The following MXRA8 variants were observed in gnomAD, a reference collection of about 807,000 sequenced individuals.
The protein encoded by MXRA8 is matrix remodeling-associated protein 8.
Under a neutral mutation model 51.4 loss-of-function variants are expected in MXRA8, and 44 were observed. The ratio of observed to expected loss-of-function variants is 0.86; its 90% CI spans 0.67 to 1.10. The LOEUF (loss-of-function observed/expected upper bound fraction) is 1.10, where lower values mean the gene tolerates loss of function less well. Among genes scored for constraint, MXRA8 ranks in the 50% least tolerant of loss-of-function variants. The pLI is 0.00. For synonymous variants in MXRA8, 369 were observed against 293.5 expected (o/e 1.26, Z -2.63); for missense variants, 765 against 638.9 (o/e 1.20, Z -2.13).
upstream of MXRA8, chr1:1,359,300 C>T (rs2100823563): frequency 1.0e-6 from 1 of 985,386 alleles, no homozygotes; most frequent in Non-Finnish European, 1.2e-6. Context: ...GGATTACAAG[C>T]CTCCTGGAGA....
At position 1,354,184 on chromosome 1, in the gene MXRA8, G is replaced by A; in HGVS notation, c.1145+9C>T. The A allele has an allele frequency of 6.2e-7, 1 of 1,612,720 alleles. No homozygotes were observed. Among genetic ancestry groups the A allele is most frequent in the Non-Finnish European group, 8.5e-7 (1 of 1,179,976 alleles). On this transcript the variant is annotated intron_variant, in intron 7 of 9. Coordinates refer to ENST00000309212, the MANE Select transcript of MXRA8 (RefSeq NM_032348.4). Reference sequence around the variant, plus strand: ...TGGTCCCCAGGAGGGCCGGGAGGGGGGCACTCACCCCTTTGACTTTCCCGA... The same window carrying A: ...TGGTCCCCAGGAGGGCCGGGAGGGGAGCACTCACCCCTTTGACTTTCCCGA...
intron 1 of MXRA8, 46 bp downstream of exon 1, chr1:1,358,410 G>A (rs754252524): frequency 5.7e-6 from 9 of 1,569,826 alleles, no homozygotes; most frequent in Middle Eastern, 1.7e-4. Context: ...GACTCGCACA[G>A]CCCCACGTGC....
chr1:1,358,895 C>T, upstream of MXRA8: 1 of 1,016,960 alleles, frequency 9.8e-7, no homozygotes, highest in Non-Finnish European at 1.2e-6. Context: ...CGCCCCACCT[C>T]TGGCCTCCCC....
At chr1:1,361,160 AC>A (rs1644218125), upstream of MXRA8, 1 of 694,170 alleles carries the variant, frequency 1.4e-6, no homozygotes, top group African/African-American at 2.0e-5. Context: ...ACACGGAAAC[AC>A]AAACACACAG....
chr1:1,355,601 C>T lies in MXRA8; in HGVS notation c.225G>A (p.Trp75Ter). 1 of 1,472,188 alleles carries T rather than the reference C, an allele frequency of 6.8e-7. No individual in the cohort carries two copies. Among genetic ancestry groups the T allele is most frequent in the African/African-American group, 1.5e-5 (1 of 68,280 alleles). 91.2% of individuals were successfully genotyped at this position (1,472,188 alleles called of 1,614,324 possible). The change falls in exon 3 of 10, where the codon TGG becomes TGA. Residue 75 changes from tryptophan (W) to a stop codon, truncating the protein, a stop_gained. Transcript: ENST00000309212. LOFTEE classifies it high-confidence loss of function. ...GGCCACCCCCGGGGCCGCGCAGGTC[C>T]CAGTGGAGCACGCGCTGGCGGTCGT... ...RLHDRQRVLH[W>*]DLRGPGGGPA...
upstream of MXRA8, among the ~76,000 whole-genome samples, chr1:1,363,094 AGAAAG>A (rs1407569464): frequency 4.0e-5 from 6 of 151,018 alleles, no homozygotes; most frequent in South Asian, 1.3e-3. Context: ...AAAAAAAAAA[AGAAAG>A]GAGTGAAACC....
At position 1,354,741 on chromosome 1, in the gene MXRA8, T is replaced by A; in HGVS notation, c.890A>T (p.Glu297Val). 1 of 1,609,454 alleles carries A rather than the reference T, an allele frequency of 6.2e-7. No homozygotes were observed. The change falls in exon 5 of 10, where the codon GAG becomes GTG. Residue 297 changes from glutamate (E) to valine (V), a missense_variant. Physicochemically the swap from Glu to Val is moderately radical, Grantham distance 121. Transcript: ENST00000309212. Reference sequence around the variant, plus strand: ...GCCCGGAGAGCCCCGGGGGGGCGGCTCCGCGTGGGGTTCGGCGACCGTCAG... The same window carrying A: ...GCCCGGAGAGCCCCGGGGGGGCGGCACCGCGTGGGGTTCGGCGACCGTCAG... ...FHLTVAEPHA[E>V]PPPRGSPGNG... is the part of the protein sequence containing the mutation.
chr1:1,354,294 G>A (rs1456460067), intron 6 of MXRA8, 60 bp downstream of exon 6: 16 of 1,599,476 alleles, frequency 1.0e-5, no homozygotes, highest in Non-Finnish European at 1.4e-5. Context: ...CAGCCCAGAG[G>A]ACCACCCTCC....
upstream of MXRA8, among the ~76,000 whole-genome samples, chr1:1,362,596 A>G (rs1239368957): frequency 6.6e-6 from 1 of 152,024 alleles, no homozygotes; most frequent in Non-Finnish European, 1.5e-5. Flanking sequence ...CCTGGCCAAC[A>G]TGGTGAAACC....
Position 1,353,223 on chromosome 1 carries a change from G to A in MXRA8, c.*381C>T, listed in dbSNP as rs1644038597. On this transcript the variant is annotated 3_prime_UTR_variant, in exon 10 of 10. Transcript: ENST00000309212. ...GCCCCCGACGAGCAGAGCCCTGGAG[G>A]AGTGGGACTCCTGCCCTGAGGCTGA... is the stretch of plus-strand genomic sequence containing the variant. 9.0e-6 allele frequency: 12 copies of A among 1,339,452 alleles called. No individual in the cohort carries two copies. Among genetic ancestry groups the A allele is most frequent in the South Asian group, 7.5e-5 (6 of 79,894 alleles). 83.0% of individuals were successfully genotyped at this position (1,339,452 alleles called of 1,614,324 possible).
At chr1:1,359,739 G>C (rs951882814), upstream of MXRA8, among the ~76,000 whole-genome samples, 2 of 152,210 alleles carry the variant, frequency 1.3e-5, no homozygotes, top group African/African-American at 4.8e-5. Flanking sequence ...AGCCCGGTCA[G>C]ACCCATTTCC....
rs1303703795 is a variant in MXRA8, at chr1:1,354,796, A to G, written c.835T>C (p.Cys279Arg). The change falls in exon 5 of 10, where the codon TGT becomes CGT. Residue 279 changes from cysteine (C) to arginine (R), a missense_variant. Cys to Arg is a radical substitution (Grantham distance 180). Transcript: ENST00000309212. ...AAGACGCGGCGTTCGTGCAGGCCAC[A>G]GTAATGGTGGTGCAGGTGGCAGGAG... ...TYSCHLHHHYCGLHERRVFHL... is the reference protein window; with the variant it reads ...TYSCHLHHHYRGLHERRVFHL... 3 of 1,612,252 alleles carry G rather than the reference A, an allele frequency of 1.9e-6. No individual in the cohort carries two copies. Among genetic ancestry groups the G allele is most frequent in the Non-Finnish European group, 2.5e-6 (3 of 1,179,684 alleles).
chr1:1,356,724 C>A lies in MXRA8; in HGVS notation c.50-20G>T. The A allele has an allele frequency of 7.1e-7, 1 of 1,409,662 alleles. No individual in the cohort carries two copies. Among genetic ancestry groups the A allele is most frequent in the Admixed American group, 2.5e-5 (1 of 40,116 alleles). 87.3% of individuals were successfully genotyped at this position (1,409,662 alleles called of 1,614,324 possible). A position where few individuals can be genotyped will look rare whatever the true frequency, so the allele number is the denominator to read the frequency against. On this transcript the variant is annotated intron_variant, in intron 1 of 9. Coordinates refer to ENST00000309212, the MANE Select transcript of MXRA8 (RefSeq NM_032348.4). Reference sequence around the variant, plus strand: ...CAGAGCCTGGAAGGAGAGGAGTGAGCTGGAGAGGCCACCCACAGCCCCACC... The same window carrying A: ...CAGAGCCTGGAAGGAGAGGAGTGAGATGGAGAGGCCACCCACAGCCCCACC...
At chr1:1,353,678 C>T in intron 9 of MXRA8, 49 bp from the exon 10 acceptor site, 1 of 1,538,968 alleles carries the variant, frequency 6.5e-7, no homozygotes, top group Non-Finnish European at 8.8e-7. Flanking sequence ...CCACCCTCAT[C>T]ACAGTGGGAG....
intron 4 of MXRA8, 41 bp from the exon 5 acceptor site, chr1:1,355,193 G>A: frequency 1.4e-6 from 2 of 1,419,190 alleles, no homozygotes; most frequent in Non-Finnish European, 1.8e-6. Context: ...GGCCGGGGCG[G>A]CGGTCGAGGG....
intron 1 of MXRA8, among the ~76,000 whole-genome samples, 198 bp downstream of exon 1, chr1:1,358,258 G>A (rs1374972544): frequency 6.6e-6 from 1 of 152,228 alleles, no homozygotes; most frequent in Non-Finnish European, 1.5e-5. Flanking sequence ...CCCTAGGAGG[G>A]GAGGCTGGCC....
rs1380996754 is a variant in MXRA8 at position 1,353,852 on chromosome 1, G to A, written c.1299C>T (p.Asp433=). 3.8e-6 allele frequency: 6 copies of A among 1,596,072 alleles called. No individual in the cohort carries two copies. Among genetic ancestry groups the A allele is most frequent in the Non-Finnish European group, 5.1e-6 (6 of 1,171,390 alleles). ...SPLPAKYIDL[D]KGFRKENCK is the part of the protein sequence containing the mutation. ...GAGGTCGCCCCCGCCGCTCACCTTT[G>A]TCTAGGTCGATGTACTTGGCAGGCA... is the stretch of plus-strand genomic sequence containing the variant. The change falls in exon 9 of 10, where the codon GAC becomes GAT. Residue 433 remains aspartate, a synonymous_variant. Transcript: ENST00000309212.
At chr1:1,354,286 G>C in intron 6 of MXRA8, 54 bp from the exon 7 acceptor site, 2 of 1,601,072 alleles carry the variant, frequency 1.2e-6, no homozygotes, top group South Asian at 1.1e-5. Context: ...AGGTCCCCCA[G>C]CCCAGAGGAC....
rs369258986 is a variant in MXRA8, at chr1:1,358,538, G to A, written c.-34C>T. On this transcript the variant is annotated 5_prime_UTR_variant, in exon 1 of 10. Coordinates refer to ENST00000309212, the MANE Select transcript of MXRA8 (RefSeq NM_032348.4). ...CCCAGCCCCAGGCTTTGTCCCACTC[G>A]GCTCTAAGTCTCTCTCCAGAAAAAC... is the stretch of plus-strand genomic sequence containing the variant. 6.4e-5 allele frequency: 103 copies of A among 1,605,174 alleles called. No homozygotes were observed. In the Admixed American group the frequency reaches 6.5e-4, roughly 10 times the overall value.
Sources: allele counts gnomAD v4.1 joint callset (sites outside exome capture counted in the v4.1 genomes callset), GRCh38; gene constraint gnomAD v4.1.1; transcripts MANE v1.5; gene names NCBI Gene and HGNC (gene_info 2026-07-23, HGNC 2026-07-21).